Variants in CAPRIN1 observed in about 807,000 individuals in gnomAD.
The protein encoded by CAPRIN1 is cell cycle associated protein 1.
In CAPRIN1, 29 loss-of-function variants were observed where a neutral mutation model predicts 100.9. The ratio of observed to expected loss-of-function variants is 0.29; its 90% CI spans 0.21 to 0.39. The LOEUF (loss-of-function observed/expected upper bound fraction) is 0.39, where lower values mean the gene tolerates loss of function less well. Among genes scored for constraint, CAPRIN1 ranks in the 10% least tolerant of loss-of-function variants. The pLI, the probability that CAPRIN1 is intolerant of heterozygous loss-of-function variation, is 1.00. For synonymous variants in CAPRIN1, 338 were observed against 307.5 expected, an observed-to-expected ratio of 1.10 and a Z score of -1.04; for missense variants, 795 against 876.7, an observed-to-expected ratio of 0.91 and a Z score of 1.18.
intron 2 of CAPRIN1, among the ~76,000 whole-genome samples, chr11:34,058,431 C>T (rs1420034933): frequency 6.6e-6 from 1 of 152,220 alleles, no homozygotes; most frequent in African/African-American, 2.4e-5. Context: ...GCCACCACAC[C>T]CGGCCTCTTA....
At chr11:34,060,298 T>C (rs1315368065) in intron 2 of CAPRIN1, among the ~76,000 whole-genome samples, 4 of 152,108 alleles carry the variant, frequency 2.6e-5, no homozygotes. Flanking sequence ...TTGTACATTA[T>C]TGGAAATTTC....
In CAPRIN1 at chr11:34,090,730, A is replaced by G. The variant is rs767879675; in HGVS notation, c.1554+52A>G. 5 of 1,542,890 alleles carry G rather than the reference A, an allele frequency of 3.2e-6. No homozygotes were observed. The African/African-American group carries it at 4.1e-5, about 13-fold the overall frequency. ...CCTAGTATGTAATATGAATCATGGT[A>G]GATTTTCTTTTCTTTTTTAAAGGTC... is the stretch of plus-strand genomic sequence containing the variant. On this transcript the variant is annotated intron_variant, in intron 14 of 18. Transcript: ENST00000341394.
intron 18 of CAPRIN1, 62 bp downstream of exon 18, chr11:34,097,823 G>A (rs762630521): frequency 1.2e-6 from 2 of 1,613,024 alleles, no homozygotes; most frequent in Non-Finnish European, 8.5e-7. Flanking sequence ...CCTTGGAAGA[G>A]CTGTTAATAG....
intron 2 of CAPRIN1, among the ~76,000 whole-genome samples, chr11:34,055,184 C>T (rs1850423961): frequency 6.6e-6 from 1 of 152,112 alleles, no homozygotes. Context: ...AGATGAATCT[C>T]TGTTGCCCAG....
chr11:34,055,446 C>A (rs1850431435), intron 2 of CAPRIN1, among the ~76,000 whole-genome samples: 1 of 152,202 alleles, frequency 6.6e-6, no homozygotes, highest in Non-Finnish European at 1.5e-5. Context: ...CCTCGGCCCC[C>A]CGCCCAGAGT....
intron 1 of CAPRIN1, 136 bp from the exon 2 acceptor site, chr11:34,052,285 C>G: frequency 1.4e-6 from 1 of 726,168 alleles, no homozygotes. Context: ...CGAGGCGCGC[C>G]GCGCCCCCTC....
intron 7 of CAPRIN1, among the ~76,000 whole-genome samples, chr11:34,081,533 G>A (rs1459500618): frequency 2.7e-5 from 4 of 149,374 alleles, no homozygotes; most frequent in Non-Finnish European, 5.9e-5. Flanking sequence ...TAGTTCTGTC[G>A]CCCACGCTGG....
chr11:34,075,326 G>A (rs1281545472), intron 4 of CAPRIN1, among the ~76,000 whole-genome samples: 1 of 152,100 alleles, frequency 6.6e-6, no homozygotes, highest in Non-Finnish European at 1.5e-5. Flanking sequence ...GGGGGAAAAG[G>A]TGGAAAGGAA....
chr11:34,067,019 T>A (rs1001663939), intron 2 of CAPRIN1, among the ~76,000 whole-genome samples: 4 of 150,214 alleles, frequency 2.7e-5, no homozygotes, highest in Non-Finnish European at 5.9e-5. Context: ...AGTCTCCACC[T>A]CCTGGGTTCA....
chr11:34,085,839 A>G (rs1565094350), intron 9 of CAPRIN1, among the ~76,000 whole-genome samples: 1 of 152,112 alleles, frequency 6.6e-6, no homozygotes, highest in Admixed American at 6.6e-5. Flanking sequence ...GTAAATCAAC[A>G]TGAAATGCTA....
At chr11:34,060,793 A>T (rs967834029) in intron 2 of CAPRIN1, among the ~76,000 whole-genome samples, 1 of 152,202 alleles carries the variant, frequency 6.6e-6, no homozygotes, top group African/African-American at 2.4e-5. Flanking sequence ...GATGGTGGGG[A>T]TGTAATTTTT....
rs1346940516 is a variant in CAPRIN1 at position 34,101,265 on chromosome 11, C to T, written c.*1898C>T. 6.6e-6 allele frequency: 1 copy of T among 152,128 alleles called. No individual in the cohort carries two copies. Among genetic ancestry groups the T allele is most frequent in the Non-Finnish European group, 1.5e-5 (1 of 68,014 alleles). The allele number at this position is 152,128 out of a possible 1,614,324, so 9.4% of individuals were successfully genotyped here. On this transcript the variant is annotated 3_prime_UTR_variant, in exon 19 of 19. Coordinates refer to ENST00000341394, the MANE Select transcript of CAPRIN1 (RefSeq NM_005898.5). ...CTTGCGTGCTTTAAATGACATCTGC[C>T]TGGGATGTACCACAACCATATGTTA...
chr11:34,077,310 G>A (rs1408246298), intron 6 of CAPRIN1, among the ~76,000 whole-genome samples: 3 of 152,144 alleles, frequency 2.0e-5, no homozygotes, highest in Admixed American at 6.6e-5. Context: ...GGGACTGTTT[G>A]TTTTATGGCT....
chr11:34,074,262 A>G (rs1156382270), intron 4 of CAPRIN1, among the ~76,000 whole-genome samples: 1 of 152,178 alleles, frequency 6.6e-6, no homozygotes, highest in Non-Finnish European at 1.5e-5. Flanking sequence ...GGAAGTTACT[A>G]TCACTGTGTA....
At chr11:34,070,037 G>GTTATT (rs2134101703) in intron 2 of CAPRIN1, among the ~76,000 whole-genome samples, 1 of 152,242 alleles carries the variant, frequency 6.6e-6, no homozygotes, top group Admixed American at 6.5e-5. Flanking sequence ...ATTGGTAAGG[G>GTTATT]GGTAAGGAAC....
chr11:34,086,434 A>G (rs1273347771), intron 11 of CAPRIN1, 21 bp downstream of exon 11: 2 of 1,397,724 alleles, frequency 1.4e-6, no homozygotes, highest in South Asian at 1.2e-5. Context: ...GTACATTTTT[A>G]TGTGAGAGAG....
chr11:34,097,635 A>C (rs1851392473), intron 17 of CAPRIN1, 63 bp from the exon 18 acceptor site: 1 of 1,590,924 alleles, frequency 6.3e-7, no homozygotes, highest in African/African-American at 1.3e-5. Context: ...TTAGACTGAA[A>C]GAATAGATGG....
intron 2 of CAPRIN1, among the ~76,000 whole-genome samples, chr11:34,067,343 A>G (rs929998959): frequency 8.5e-5 from 13 of 152,170 alleles, no homozygotes; most frequent in African/African-American, 3.1e-4. Flanking sequence ...TTGTTGAGTT[A>G]TGATTTACAT....
In CAPRIN1 at chr11:34,052,466, G is replaced by A. The variant is rs780282831; in HGVS notation, c.46G>A (p.Gly16Arg). Residue 16 changes from glycine (G) to arginine (R), a missense_variant, in exon 2 of 19, where the codon GGA becomes AGA. Coordinates refer to ENST00000341394, the MANE Select transcript of CAPRIN1 (RefSeq NM_005898.5). ...SHSGSGSKSS[G>R]PPPPSGSSGS... ...CAGCGGGAGCGGCAGCAAGTCGTCC[G>A]GACCGCCACCGCCGTCGGGTTCCTC... 4.4e-6 allele frequency: 7 copies of A among 1,607,180 alleles called. No homozygotes were observed. In the Admixed American group the frequency reaches 6.8e-5, roughly 16 times the overall value.
Sources: gnomAD v4.1 joint callset for allele counts (sites outside exome capture counted in the v4.1 genomes callset) on GRCh38, gnomAD v4.1.1 for gene constraint, MANE v1.5 for transcripts, NCBI Gene and HGNC (gene_info 2026-07-23, HGNC 2026-07-21) for gene names.